The following AKAP12 variants were observed in gnomAD, a reference collection of about 807,000 sequenced individuals.
AKAP12 encodes A-kinase anchoring protein 12.
A neutral mutation model predicts 79.9 loss-of-function variants in AKAP12; 32 were observed. That is an observed-to-expected ratio of 0.40 (90% CI 0.30 to 0.54). AKAP12 has a LOEUF of 0.54. AKAP12 is among the 20% of genes least tolerant of loss of function. AKAP12 has a pLI of 0.48. For missense variants in AKAP12, 2,074 were observed against 2,177.0 expected (o/e 0.95, Z 0.94); for synonymous variants, 808 against 857.0 (o/e 0.94, Z 1.00).
chr6:151,350,574 T>A lies in AKAP12; in HGVS notation c.2183T>A (p.Ile728Asn). Residue 728 changes from isoleucine to asparagine, a missense_variant, in exon 4 of 5, where the codon ATC becomes AAC. Ile to Asn is a moderately radical substitution (Grantham distance 149). This residue lies in a region of AKAP12 where 1,428 missense variants were observed against 1,451.0 expected (regional missense o/e 0.98). Coordinates refer to ENST00000402676, the MANE Select transcript of AKAP12 (RefSeq NM_005100.4). The surrounding 1 kb of genome is among the most constrained non-coding windows in gnomAD (Gnocchi z 4.8). ...GKDKETGTDG[I>N]LAGSQEHDPG... Reference sequence around the variant, plus strand: ...GACAAAGAGACGGGGACAGACGGGATCCTTGCTGGTTCCCAAGAACATGAT... The same window carrying A: ...GACAAAGAGACGGGGACAGACGGGAACCTTGCTGGTTCCCAAGAACATGAT... 6.2e-7 allele frequency: 1 copy of A among 1,614,012 alleles called. No homozygotes were observed. The highest frequency in any genetic ancestry group is 8.5e-7 in the Non-Finnish European group (1 of 1,180,006).
chr6:151,348,069 C>T (rs1778152317), intron 3 of AKAP12, among the ~76,000 whole-genome samples: 3 of 151,842 alleles, frequency 2.0e-5, no homozygotes, highest in South Asian at 2.1e-4. Context: ...AGGAGAATGG[C>T]GTGAACCCAG....
chr6:151,325,706 T>A lies in AKAP12; in HGVS notation c.319+19803T>A, dbSNP rs533012293. 5 of 1,472,460 alleles carry A rather than the reference T, an allele frequency of 3.4e-6. No individual in the cohort carries two copies. The African/African-American group carries it at 4.2e-5, about 12-fold the overall frequency. 91.2% of individuals were successfully genotyped at this position (1,472,460 alleles called of 1,614,324 possible). A position where few individuals can be genotyped will look rare whatever the true frequency, so the allele number is the denominator to read the frequency against. Reference sequence around the variant, plus strand: ...TCGCTGCGGCAGCTCCGAGGGCACCTCCGGTTCTCCCCCATCCTCCGGGAG... The same window carrying A: ...TCGCTGCGGCAGCTCCGAGGGCACCACCGGTTCTCCCCCATCCTCCGGGAG... On this transcript the variant is annotated intron_variant, in intron 3 of 4. Coordinates refer to ENST00000402676, the MANE Select transcript of AKAP12 (RefSeq NM_005100.4).
At chr6:151,287,882 C>A (rs891446532) in intron 2 of AKAP12, among the ~76,000 whole-genome samples, 2 of 152,110 alleles carry the variant, frequency 1.3e-5, no homozygotes, top group African/African-American at 4.8e-5. Flanking sequence ...TACTATGCAG[C>A]CATAAGAAAG....
intron 2 of AKAP12, among the ~76,000 whole-genome samples, chr6:151,254,126 A>G (rs4870004): frequency 0.55 from 83,406 of 151,736 alleles, 23,738 homozygotes; most frequent in East Asian, 0.84. Flanking sequence ...GAAATAAGCT[A>G]TTGAAAAGCA....
Position 151,268,832 on chromosome 6 carries a change from C to T in AKAP12, c.162+28108C>T, listed in dbSNP as rs1041891754. 5.3e-5 allele frequency among the ~76,000 whole-genome samples: 8 copies of T among 151,548 alleles called. No homozygotes were observed. In the East Asian group the frequency reaches 9.7e-4, roughly 18 times the overall value. ...CTAATTTTTGTATTTTTTGTAGAGA[C>T]GGGGTTTCACCATGATGGCCAGGCT... On this transcript the variant is annotated intron_variant, in intron 2 of 4. Coordinates refer to ENST00000402676, the MANE Select transcript of AKAP12 (RefSeq NM_005100.4).
At chr6:151,333,739 C>CA (rs11292037) in intron 3 of AKAP12, among the ~76,000 whole-genome samples, 24,434 of 124,946 alleles carry the variant, frequency 0.2, 2,372 homozygotes, top group African/African-American at 0.29. Context: ...ACTGTGACTT[C>CA]AAAAAAAAAA....
intron 3 of AKAP12, among the ~76,000 whole-genome samples, chr6:151,336,358 C>T (rs1777815229): frequency 6.6e-6 from 1 of 152,168 alleles, no homozygotes; most frequent in African/African-American, 2.4e-5. Flanking sequence ...TTTTCTATAG[C>T]TCTCTTACTA....
intron 3 of AKAP12, chr6:151,325,731 G>A (rs1003916912): frequency 6.6e-5 from 102 of 1,541,858 alleles, no homozygotes; most frequent in Non-Finnish European, 8.9e-5. Flanking sequence ...TCCTCCGGGA[G>A]TGTCTGGGCG....
rs897651538 is a variant in AKAP12, at chr6:151,351,253, G to A, written c.2862G>A (p.Leu954=). 1.9e-6 allele frequency: 3 copies of A among 1,614,110 alleles called. No homozygotes were observed. Among genetic ancestry groups the A allele is most frequent in the Middle Eastern group, 1.6e-4 (1 of 6,084 alleles). The change falls in exon 4 of 5, where the codon CTG becomes CTA. Residue 954 remains leucine, a synonymous_variant. Transcript: ENST00000402676. This position sits in a 1 kb window ranked among gnomAD's most constrained non-coding sequence, Gnocchi z 4.4. ...AACCCCCCACGGTTACTGAACCTCT[G>A]CCAGAGAACAGAGAGGCCCGGGGCG... ...EEEPPTVTEP[L]PENREARGDT... is the part of the protein sequence containing the mutation.
At chr6:151,302,019 CT>C (rs373016759) in intron 2 of AKAP12, among the ~76,000 whole-genome samples, 25,450 of 138,826 alleles carry the variant, frequency 0.18, 2,238 homozygotes, top group Middle Eastern at 0.24. Flanking sequence ...TTTTTTTTTT[CT>C]TTTTTTTTTT....
intron 2 of AKAP12, among the ~76,000 whole-genome samples, chr6:151,305,474 G>A (rs1311896317): frequency 1.3e-5 from 2 of 152,132 alleles, no homozygotes; most frequent in East Asian, 3.8e-4. Context: ...AAATAGGTCT[G>A]GAAAGGTGAA....
intron 2 of AKAP12, among the ~76,000 whole-genome samples, chr6:151,262,136 AG>A (rs1797451336): frequency 6.6e-6 from 1 of 152,038 alleles, no homozygotes; most frequent in South Asian, 2.1e-4. Context: ...TTTTTAGTAG[AG>A]ATGGGGTTTC....
chr6:151,298,490 A>T (rs7744375), intron 2 of AKAP12, among the ~76,000 whole-genome samples: 22,193 of 152,170 alleles, frequency 0.15, 1,870 homozygotes, highest in Middle Eastern at 0.23. Context: ...ATATTCTTTG[A>T]GGTATATAAA....
Position 151,357,868 on chromosome 6 carries a change from A to G in AKAP12, c.*2154A>G, listed in dbSNP as rs1421351180. ...AGGAAGACATTCTGTGCTGTTTTGA[A>G]CAGATTAAAGATTTGTGTAGTTTGT... On this transcript the variant is annotated 3_prime_UTR_variant, in exon 5 of 5. Coordinates refer to ENST00000402676, the MANE Select transcript of AKAP12 (RefSeq NM_005100.4). 3 of 152,080 alleles carry G rather than the reference A, an allele frequency of 2.0e-5. No individual in the cohort carries two copies. The East Asian group carries it at 5.8e-4, about 29-fold the overall frequency. 9.4% of individuals were successfully genotyped at this position (152,080 alleles called of 1,614,324 possible).
At chr6:151,284,044 G>A (rs560968600) in intron 2 of AKAP12, among the ~76,000 whole-genome samples, 17 of 152,166 alleles carry the variant, frequency 1.1e-4, no homozygotes, top group Non-Finnish European at 2.1e-4. Context: ...CTGATAAAGC[G>A]AGCAAGTCTT....
chr6:151,330,732 G>GT (rs202056303), intron 3 of AKAP12, among the ~76,000 whole-genome samples: 14 of 151,262 alleles, frequency 9.3e-5, no homozygotes, highest in South Asian at 8.4e-4. Context: ...TTCCTTTAAA[G>GT]TTTTTTTTTC....
intron 3 of AKAP12, among the ~76,000 whole-genome samples, chr6:151,338,069 T>G (rs1472511131): frequency 1.3e-5 from 2 of 152,220 alleles, no homozygotes; most frequent in African/African-American, 2.4e-5. Context: ...AAGTAAGTTA[T>G]ATACATCATG....
chr6:151,326,474 T>G (rs953473626), intron 3 of AKAP12, among the ~76,000 whole-genome samples: 2 of 147,148 alleles, frequency 1.4e-5, no homozygotes, highest in African/African-American at 5.0e-5. Context: ...GCAACACTAT[T>G]TAGGCAACAA....
chr6:151,307,749 G>C (rs1288936796), intron 3 of AKAP12, among the ~76,000 whole-genome samples: 4 of 152,188 alleles, frequency 2.6e-5, no homozygotes, highest in Non-Finnish European at 5.9e-5. Flanking sequence ...GAGTGATTCA[G>C]TCCCTCCCCT....
Sources: gnomAD v4.1 joint callset for allele counts (sites outside exome capture counted in the v4.1 genomes callset) on GRCh38, gnomAD v4.1.1 for gene constraint, gnomAD v4.1.1 regional missense constraint, Gnocchi (gnomAD v3.1) non-coding constraint, MANE v1.5 for transcripts, NCBI Gene and HGNC (gene_info 2026-07-23, HGNC 2026-07-21) for gene names.